The following C8orf34 variants were observed in gnomAD, a reference collection of about 807,000 sequenced individuals.
The protein encoded by C8orf34 is chromosome 8 open reading frame 34.
Under a neutral mutation model 68.3 loss-of-function variants are expected in C8orf34, and 65 were observed. That is an observed-to-expected ratio of 0.95 (90% confidence interval 0.78 to 1.17). The LOEUF (loss-of-function observed/expected upper bound fraction) is 1.17. C8orf34 is among the 50% of genes most tolerant of loss of function. C8orf34 has a pLI of 0.00. For synonymous variants in C8orf34, 244 were observed against 241.2 expected, an observed-to-expected ratio of 1.01 and a Z score of -0.11; for missense variants, 664 against 655.4, an observed-to-expected ratio of 1.01 and a Z score of -0.14.
At chr8:68,668,133 C>A (rs924388196) in intron 8 of C8orf34, among the ~76,000 whole-genome samples, 1 of 151,880 alleles carries the variant, frequency 6.6e-6, no homozygotes, top group Non-Finnish European at 1.5e-5. Context: ...AAATCAATTT[C>A]TTCTATAAGT....
chr8:68,421,717 G>A (rs531737456), intron 1 of C8orf34, among the ~76,000 whole-genome samples: 6 of 152,320 alleles, frequency 3.9e-5, no homozygotes, highest in African/African-American at 1.4e-4. Flanking sequence ...GAAGTCATCT[G>A]TCTGCAGTGG....
chr8:68,423,858 C>T (rs1810091635), intron 1 of C8orf34, among the ~76,000 whole-genome samples: 1 of 152,126 alleles, frequency 6.6e-6, no homozygotes, highest in African/African-American at 2.4e-5. Flanking sequence ...CAGCAGGAAA[C>T]AGAATGAGTG....
At chr8:68,657,153 C>T (rs1819532758) in intron 8 of C8orf34, among the ~76,000 whole-genome samples, 1 of 152,166 alleles carries the variant, frequency 6.6e-6, no homozygotes, top group Non-Finnish European at 1.5e-5. Flanking sequence ...GGACTTCTTC[C>T]TTACTTATAA....
At chr8:68,682,858 C>CT (rs1369214335) in intron 8 of C8orf34, among the ~76,000 whole-genome samples, 1 of 152,074 alleles carries the variant, frequency 6.6e-6, no homozygotes, top group Non-Finnish European at 1.5e-5. Context: ...ATTTTGTTTA[C>CT]TTTTTTCCAA....
intron 1 of C8orf34, among the ~76,000 whole-genome samples, chr8:68,406,245 G>T (rs1197567837): frequency 6.6e-6 from 1 of 152,044 alleles, no homozygotes; most frequent in Non-Finnish European, 1.5e-5. Context: ...ACGTAGTTTT[G>T]GTCTTTCTTA....
intron 8 of C8orf34, among the ~76,000 whole-genome samples, chr8:68,657,429 A>T (rs530638003): frequency 7.2e-5 from 11 of 152,158 alleles, no homozygotes; most frequent in African/African-American, 2.6e-4. Flanking sequence ...TACAGAAGGC[A>T]CTCTCTATAA....
chr8:68,613,571 A>C (rs1818094505), intron 7 of C8orf34, among the ~76,000 whole-genome samples: 1 of 151,652 alleles, frequency 6.6e-6, no homozygotes, highest in Non-Finnish European at 1.5e-5. Context: ...TAGTTTACTG[A>C]GAATGATGAT....
chr8:68,721,257 C>A, intron 9 of C8orf34, 104 bp from the exon 10 acceptor site: 2 of 699,260 alleles, frequency 2.9e-6, no homozygotes, highest in Non-Finnish European at 4.8e-6. Flanking sequence ...ATTTTTTCAA[C>A]ACCCAATTCC....
chr8:68,645,011 A>G (rs1046602167), intron 8 of C8orf34, among the ~76,000 whole-genome samples: 9 of 152,214 alleles, frequency 5.9e-5, no homozygotes, highest in African/African-American at 2.2e-4. Context: ...GATTGGAGAC[A>G]GTGTGGTGCA....
At chr8:68,772,898 T>C (rs1235210741) in intron 10 of C8orf34, among the ~76,000 whole-genome samples, 1 of 151,588 alleles carries the variant, frequency 6.6e-6, no homozygotes, top group African/African-American at 2.4e-5. Flanking sequence ...CTTCTTTCTT[T>C]TTTTTCTAAG....
chr8:68,377,841 C>T (rs1807868456), intron 1 of C8orf34, among the ~76,000 whole-genome samples: 1 of 152,078 alleles, frequency 6.6e-6, no homozygotes. Context: ...GGGGAGGCCT[C>T]AGGAAACTTA....
At chr8:68,663,138 A>G (rs909648548) in intron 8 of C8orf34, among the ~76,000 whole-genome samples, 6 of 152,238 alleles carry the variant, frequency 3.9e-5, no homozygotes, top group African/African-American at 7.2e-5. Flanking sequence ...ATTTACATCA[A>G]TCTGCATAAC....
intron 1 of C8orf34, among the ~76,000 whole-genome samples, chr8:68,409,698 G>A (rs958064231): frequency 3.3e-5 from 5 of 152,094 alleles, no homozygotes; most frequent in East Asian, 1.9e-4. Context: ...TGTTGATGAA[G>A]TCTACAGCAG....
At chr8:68,738,815 G>C (rs7845052) in intron 10 of C8orf34, among the ~76,000 whole-genome samples, 32,468 of 151,730 alleles carry the variant, frequency 0.21, 4,040 homozygotes, top group African/African-American at 0.33. Context: ...CCAAAAAAAG[G>C]CCAGGATCAG....
chr8:68,784,744 C>A (rs1823793872), intron 11 of C8orf34, among the ~76,000 whole-genome samples: 1 of 151,908 alleles, frequency 6.6e-6, no homozygotes, highest in African/African-American at 2.4e-5. Context: ...CTAATGACAG[C>A]TTTTTCAGTT....
chr8:68,733,066 C>CA (rs965421782), intron 10 of C8orf34, among the ~76,000 whole-genome samples: 18 of 149,822 alleles, frequency 1.2e-4, no homozygotes, highest in South Asian at 8.4e-4. Context: ...TCTGTCTCAA[C>CA]AAAAAAAAAG....
At chr8:68,408,152 A>G (rs1809281205) in intron 1 of C8orf34, among the ~76,000 whole-genome samples, 1 of 151,976 alleles carries the variant, frequency 6.6e-6, no homozygotes, top group African/African-American at 2.4e-5. Flanking sequence ...TCCCAGGAGC[A>G]GGAACCCTAT....
chr8:68,565,312 G>A (rs1361103773), intron 7 of C8orf34, among the ~76,000 whole-genome samples: 3 of 152,096 alleles, frequency 2.0e-5, no homozygotes, highest in Non-Finnish European at 2.9e-5. Context: ...ATCACACTTG[G>A]TTAACTTATT....
intron 10 of C8orf34, among the ~76,000 whole-genome samples, chr8:68,731,743 A>C (rs548748638): frequency 6.6e-6 from 1 of 152,344 alleles, no homozygotes; most frequent in Non-Finnish European, 1.5e-5. Flanking sequence ...CTGTTTTAGT[A>C]CCAATTAGAC....
Sources: allele counts gnomAD v4.1 joint callset (sites outside exome capture counted in the v4.1 genomes callset), GRCh38; gene constraint gnomAD v4.1.1; transcripts MANE v1.5; gene names NCBI Gene and HGNC (gene_info 2026-07-23, HGNC 2026-07-21).